CAPN8: variants seen among roughly 807,000 people sequenced by gnomAD.
CAPN8 encodes calpain 8.
A neutral mutation model predicts 80.9 loss-of-function variants in CAPN8; 87 were observed. The observed-to-expected ratio is 1.07, with a 90% CI of 0.90 to 1.28. The LOEUF is 1.28. CAPN8 is among the 50% of genes most tolerant of loss of function. The pLI, the probability that CAPN8 is intolerant of heterozygous loss-of-function variation, is 0.00. For missense variants in CAPN8, 757 were observed against 702.0 expected, an observed-to-expected ratio of 1.08 and a Z score of -0.89; for synonymous variants, 299 against 273.8, an observed-to-expected ratio of 1.09 and a Z score of -0.91.
intron 2 of CAPN8, among the ~76,000 whole-genome samples, chr1:223,647,039 G>T (rs930110182): frequency 3.3e-5 from 5 of 152,082 alleles, no homozygotes; most frequent in African/African-American, 1.2e-4. Context: ...GGTTCAGGGG[G>T]TGTCTTCCTG....
At position 223,541,799 on chromosome 1, in the gene CAPN8, T is replaced by C. The variant is rs1290841609; in HGVS notation, c.*37A>G. The C allele has an allele frequency of 6.4e-6, 10 of 1,551,278 alleles. No homozygotes were observed. Among genetic ancestry groups the C allele is most frequent in the Admixed American group, 2.0e-5 (1 of 50,968 alleles). Reference sequence around the variant, plus strand: ...AGAAGGGGTGACAAGAAGCAAGCAGTGGGGCAGGGAGTGTCACTGATGTCC... The same window carrying C: ...AGAAGGGGTGACAAGAAGCAAGCAGCGGGGCAGGGAGTGTCACTGATGTCC... On this transcript the variant is annotated 3_prime_UTR_variant, in exon 21 of 21. Coordinates refer to ENST00000366872, the MANE Select transcript of CAPN8 (RefSeq NM_001143962.2).
intron 2 of CAPN8, among the ~76,000 whole-genome samples, chr1:223,645,561 G>A (rs1405356323): frequency 6.6e-6 from 1 of 152,162 alleles, no homozygotes; most frequent in Non-Finnish European, 1.5e-5. Context: ...GAAGGGGGTG[G>A]GGGGACCACT....
chr1:223,616,509 A>C (rs1040391449), intron 9 of CAPN8, among the ~76,000 whole-genome samples: 1 of 152,252 alleles, frequency 6.6e-6, no homozygotes, highest in African/African-American at 2.4e-5. Flanking sequence ...CCTTGCTCTC[A>C]GCACTTGACA....
chr1:223,612,509 T>A (rs1043485470), intron 10 of CAPN8, among the ~76,000 whole-genome samples: 6 of 152,120 alleles, frequency 3.9e-5, no homozygotes, highest in African/African-American at 1.4e-4. Context: ...TACTTTCTTA[T>A]TTTCTAGTTG....
Position 223,545,245 on chromosome 1 carries a change from T to G in CAPN8, c.1819A>C (p.Ile607Leu), listed in dbSNP as rs1177955306. 1 of 1,551,600 alleles carries G rather than the reference T, an allele frequency of 6.4e-7. No individual in the cohort carries two copies. The highest frequency in any genetic ancestry group is 1.4e-5 in the African/African-American group (1 of 73,054). ...AVEFKTLWLK[I>L]QKYLEIYWET... ...AAGAGAGTTACCAGATACTTCTGAA[T>G]CTTCAGCCAGAGCGTCTTGAATTCC... The change falls in exon 17 of 21, where the codon ATT becomes CTT. Residue 607 changes from isoleucine (I) to leucine (L), a missense_variant. Ile to Leu is a conservative substitution (Grantham distance 5). Coordinates refer to ENST00000366872, the MANE Select transcript of CAPN8 (RefSeq NM_001143962.2).
intron 9 of CAPN8, chr1:223,617,280 TGGGGGGGGGGGTTGTTTG>T (rs1657221319): frequency 7.3e-6 from 1 of 137,370 alleles, no homozygotes; most frequent in African/African-American, 2.7e-5. Flanking sequence ...ACTTTTTTTT[TGGGGGGGGGGGTTGTTTG>T]TTTTGTTTTG....
intron 19 of CAPN8, 51 bp from the exon 20 acceptor site, chr1:223,543,217 T>C: frequency 1.3e-6 from 2 of 1,544,520 alleles, no homozygotes; most frequent in Non-Finnish European, 1.8e-6. Context: ...TCCTGGACTT[T>C]GGAACAATCA....
At chr1:223,618,349 C>A (rs557564255) in intron 9 of CAPN8, 10 of 1,545,768 alleles carry the variant, frequency 6.5e-6, no homozygotes, top group African/African-American at 1.4e-5. Flanking sequence ...CAGGTGAGGA[C>A]CCAGGGTTAG....
intron 2 of CAPN8, among the ~76,000 whole-genome samples, chr1:223,629,490 A>G (rs1249533583): frequency 6.6e-6 from 1 of 151,970 alleles, no homozygotes. Flanking sequence ...AAAACAGAAA[A>G]CCCCTTTCTG....
At chr1:223,548,933 C>T (rs536773920) in intron 16 of CAPN8, among the ~76,000 whole-genome samples, 3 of 46,414 alleles carry the variant, frequency 6.5e-5, no homozygotes, top group South Asian at 7.6e-4. Context: ...AAGCAGGGAA[C>T]GGTAGAGGGT....
Position 223,544,809 on chromosome 1 carries a change from G to T in CAPN8, c.1875C>A (p.Ile625=). ...GGGCTGTCCTCATCTCGTGGGCATC[G>T]ATGGTGCCCGAGTGGTTATAATCAG... ...WETDYNHSGT[I]DAHEMRTALR... The change falls in exon 18 of 21, where the codon ATC becomes ATA. Residue 625 remains isoleucine (I), a synonymous_variant. Transcript: ENST00000366872. 1 of 1,551,652 alleles carries T rather than the reference G, an allele frequency of 6.4e-7. No homozygotes were observed. Among genetic ancestry groups the T allele is most frequent in the Non-Finnish European group, 8.7e-7 (1 of 1,146,998 alleles).
chr1:223,643,050 A>T (rs1219787520), intron 2 of CAPN8, among the ~76,000 whole-genome samples: 1 of 152,246 alleles, frequency 6.6e-6, no homozygotes, highest in African/African-American at 2.4e-5. Flanking sequence ...GTTTCAAGGG[A>T]AAGCGGCTTG....
intron 7 of CAPN8, chr1:223,622,515 C>T (rs1657428984): frequency 4.8e-6 from 2 of 416,124 alleles, no homozygotes; most frequent in South Asian, 5.8e-5. Context: ...ACCTTTGGAC[C>T]AGCACGGTGC....
intron 1 of CAPN8, 114 bp from the exon 2 acceptor site, chr1:223,654,513 C>T: frequency 1.1e-6 from 1 of 882,310 alleles, no homozygotes; most frequent in Non-Finnish European, 1.8e-6. Flanking sequence ...CCAGGATTGT[C>T]TACTGCCCAT....
At chr1:223,618,247 A>G (rs2102703457) in intron 9 of CAPN8, 1 of 1,550,566 alleles carries the variant, frequency 6.4e-7, no homozygotes, top group Non-Finnish European at 8.7e-7. Context: ...TTTCTTCATC[A>G]GGTGCTGCCT....
intron 11 of CAPN8, 34 bp from the exon 12 acceptor site, chr1:223,609,398 T>C (rs930773491): frequency 5.0e-6 from 2 of 398,470 alleles, no homozygotes; most frequent in African/African-American, 4.1e-5. Context: ...CAATTTCTTG[T>C]TAAATCCTGG....
intron 2 of CAPN8, among the ~76,000 whole-genome samples, chr1:223,633,388 C>T (rs113934365): frequency 7.1e-6 from 1 of 140,310 alleles, no homozygotes; most frequent in Non-Finnish European, 1.6e-5. Context: ...ATAACAAATG[C>T]TCTCTTAAAA....
In CAPN8 at chr1:223,609,149, G is replaced by A. The variant is rs1316073016; in HGVS notation, c.1535+4C>T. ...TTCCCCACCACGGAGGGAAGGAGACGCACAGGGCCTGGGCCTTCTTCTCTG... is the reference window on the plus strand; with the variant it reads ...TTCCCCACCACGGAGGGAAGGAGACACACAGGGCCTGGGCCTTCTTCTCTG... On this transcript the variant is annotated splice_donor_region_variant and intron_variant, in intron 12 of 20. Transcript: ENST00000366872. 9.5e-5 allele frequency: 38 copies of A among 398,282 alleles called. No individual in the cohort carries two copies. The highest frequency in any genetic ancestry group is 1.4e-4 in the Non-Finnish European group (31 of 226,080). 24.7% of individuals were successfully genotyped at this position (398,282 alleles called of 1,614,324 possible).
chr1:223,627,211 G>C (rs141278806), intron 4 of CAPN8, 54 bp from the exon 5 acceptor site: 4 of 1,529,420 alleles, frequency 2.6e-6, no homozygotes, highest in Non-Finnish European at 3.5e-6. Flanking sequence ...AAGGAGACCC[G>C]GGGATTGGGG....
Sources: allele counts gnomAD v4.1 joint callset (sites outside exome capture counted in the v4.1 genomes callset), GRCh38; gene constraint gnomAD v4.1.1; transcripts MANE v1.5; gene names NCBI Gene and HGNC (gene_info 2026-07-23, HGNC 2026-07-21).